Variants in SYT2 observed in about 807,000 individuals in gnomAD.
SYT2 encodes synaptotagmin-2.
A neutral mutation model predicts 39.9 loss-of-function variants in SYT2; 15 were observed. That is an observed-to-expected ratio of 0.38 (90% CI 0.25 to 0.58). SYT2 has a LOEUF of 0.58. SYT2 is among the 20% of genes least tolerant of loss of function. The pLI is 0.70. For synonymous variants in SYT2, 181 were observed against 204.5 expected, an observed-to-expected ratio of 0.89 and a Z score of 0.98; for missense variants, 389 against 530.3, an observed-to-expected ratio of 0.73 and a Z score of 2.62.
Position 202,601,891 on chromosome 1 carries a change from T to A in SYT2, c.800A>T (p.Glu267Val). ...WRDLQGGEKE[E>V]PEKLGDICTS... is the part of the protein sequence containing the mutation. ...ACCTGGCCTCATCTCTGCTCTTACC[T>A]CCTCCTTTTCCCCGCCTTGCAGGTC... The change falls in exon 6 of 9, where the codon GAG becomes GTG. Residue 267 changes from glutamate to valine, a missense_variant and splice_region_variant. Around this residue, in one of 4 missense-constraint regions of SYT2, gnomAD observed 280 missense variants for 335.6 expected, o/e 0.83. Transcript: ENST00000367268. This position sits in a 1 kb window ranked among gnomAD's most constrained non-coding sequence, Gnocchi z 4.0. 1.2e-6 allele frequency: 2 copies of A among 1,613,618 alleles called. No individual in the cohort carries two copies. The highest frequency in any genetic ancestry group is 1.1e-5 in the South Asian group (1 of 91,040).
intron 1 of SYT2, among the ~76,000 whole-genome samples, chr1:202,640,788 GAGAGACAGAC>G (rs1558443988): frequency 5.8e-4 from 72 of 124,860 alleles, no homozygotes; most frequent in Middle Eastern, 4.1e-3. Flanking sequence ...GAGAGAGAGA[GAGAGACAGAC>G]AGACAGAGAG....
intron 1 of SYT2, among the ~76,000 whole-genome samples, chr1:202,704,381 CT>C (rs1283264606): frequency 1.3e-5 from 2 of 152,128 alleles, no homozygotes; most frequent in Non-Finnish European, 2.9e-5. Flanking sequence ...TCCCAGGTGC[CT>C]TTTACAGAGT....
intron 1 of SYT2, among the ~76,000 whole-genome samples, chr1:202,686,968 G>T (rs1288589724): frequency 6.6e-6 from 1 of 152,006 alleles, no homozygotes; most frequent in African/African-American, 2.4e-5. Context: ...TCCCTTGGGC[G>T]GACCTGACAG....
rs548461942 is a variant in SYT2 at position 202,611,766 on chromosome 1, A to G, written c.-17-5977T>C. 1.7e-4 allele frequency among the ~76,000 whole-genome samples: 26 copies of G among 152,320 alleles called. No individual in the cohort carries two copies. The South Asian group carries it at 5.2e-3, about 30-fold the overall frequency. On this transcript the variant is annotated intron_variant, in intron 1 of 8. Transcript: ENST00000367268. ...ATATTTTTGGTGCTATATCCAAGAAACCATCACTAAACCTAAGGGCACTAA... is the reference window on the plus strand; with the variant it reads ...ATATTTTTGGTGCTATATCCAAGAAGCCATCACTAAACCTAAGGGCACTAA...
intron 1 of SYT2, among the ~76,000 whole-genome samples, chr1:202,685,021 T>C (rs1453577853): frequency 6.6e-6 from 1 of 151,976 alleles, no homozygotes; most frequent in Non-Finnish European, 1.5e-5. Flanking sequence ...ACAAGGGCAG[T>C]GGCATGCAGA....
chr1:202,604,718 A>T lies in SYT2; in HGVS notation c.179-97T>A, dbSNP rs957726417. 5.8e-6 allele frequency: 7 copies of T among 1,208,172 alleles called. No individual in the cohort carries two copies. The South Asian group carries it at 1.0e-4, about 18-fold the overall frequency. The allele number at this position is 1,208,172 out of a possible 1,614,324, so 74.8% of individuals were successfully genotyped here. Reference sequence around the variant, plus strand: ...AAAATGGGTGAGGAATATGACTGCCATCCCACAATGCCCACACCCCACATT... The same window carrying T: ...AAAATGGGTGAGGAATATGACTGCCTTCCCACAATGCCCACACCCCACATT... On this transcript the variant is annotated intron_variant, in intron 2 of 8. Transcript: ENST00000367268.
At chr1:202,651,971 T>C (rs1469348663) in intron 1 of SYT2, among the ~76,000 whole-genome samples, 1 of 152,186 alleles carries the variant, frequency 6.6e-6, no homozygotes, top group Non-Finnish European at 1.5e-5. Flanking sequence ...GGCAGGAGAA[T>C]CGCTTGAACC....
intron 1 of SYT2, among the ~76,000 whole-genome samples, chr1:202,633,586 C>G (rs1322482405): frequency 6.6e-6 from 1 of 152,138 alleles, no homozygotes; most frequent in Non-Finnish European, 1.5e-5. Context: ...GGGCACCCAT[C>G]CCAGCTTAGC....
chr1:202,671,424 T>TCC (rs946932269), intron 1 of SYT2, among the ~76,000 whole-genome samples: 9 of 152,074 alleles, frequency 5.9e-5, no homozygotes, highest in African/African-American at 2.2e-4. Context: ...AGATCGACCC[T>TCC]CCCACTGAGG....
chr1:202,604,720 C>A, intron 2 of SYT2, 99 bp from the exon 3 acceptor site: 1 of 1,105,122 alleles, frequency 9.0e-7, no homozygotes. Flanking sequence ...TGACTGCCAT[C>A]CCACAATGCC....
intron 1 of SYT2, among the ~76,000 whole-genome samples, chr1:202,688,345 C>A (rs1265861916): frequency 6.6e-6 from 1 of 152,196 alleles, no homozygotes; most frequent in African/African-American, 2.4e-5. Context: ...GCAGTGATGG[C>A]CCTGTCGTTA....
intron 1 of SYT2, among the ~76,000 whole-genome samples, chr1:202,678,126 T>C (rs1653426025): frequency 6.6e-6 from 1 of 151,852 alleles, no homozygotes; most frequent in Non-Finnish European, 1.5e-5. Flanking sequence ...ATACAATAAT[T>C]AGCCAGGCGT....
At chr1:202,691,101 C>T (rs1274286076) in intron 1 of SYT2, among the ~76,000 whole-genome samples, 1 of 152,194 alleles carries the variant, frequency 6.6e-6, no homozygotes, top group African/African-American at 2.4e-5. Context: ...CTTGGCATCT[C>T]TGAAGGGAGC....
At chr1:202,640,813 AGAGACAGT>A (rs1275025045) in intron 1 of SYT2, among the ~76,000 whole-genome samples, 4 of 151,456 alleles carry the variant, frequency 2.6e-5, no homozygotes, top group South Asian at 2.1e-4. Flanking sequence ...AGAGAGACAG[AGAGACAGT>A]GAGACAGAGC....
intron 1 of SYT2, among the ~76,000 whole-genome samples, chr1:202,625,122 GTGTC>G: frequency 1.2e-3 from 1 of 828 alleles, no homozygotes; most frequent in African/African-American, 2.5e-3. Context: ...TGTGGTATGT[GTGTC>G]GTGTGTGTGG....
chr1:202,692,838 T>C (rs1653871330), intron 1 of SYT2, among the ~76,000 whole-genome samples: 1 of 152,158 alleles, frequency 6.6e-6, no homozygotes, highest in African/African-American at 2.4e-5. Flanking sequence ...GGTGGGAAGA[T>C]GGCTTGAGCC....
chr1:202,656,381 A>AGTG (rs1449647482), intron 1 of SYT2, among the ~76,000 whole-genome samples: 1 of 152,142 alleles, frequency 6.6e-6, no homozygotes, highest in East Asian at 1.9e-4. Context: ...TCAGAGCAGG[A>AGTG]GTGGTGCAAG....
In SYT2 at chr1:202,698,353, G is replaced by A. The variant is rs533202054; in HGVS notation, c.-18+11905C>T. On this transcript the variant is annotated intron_variant, in intron 1 of 8. Coordinates refer to ENST00000367268, the MANE Select transcript of SYT2 (RefSeq NM_177402.5). The stretch of plus-strand genomic sequence containing the variant: ...TGTGCCCGCTGAAGAGCAGAGAGAC[G>A]TGTGCTCCCCATTATGCCAGGTATG... Among the ~76,000 whole-genome samples the A allele has an allele frequency of 5.1e-4, 78 of 152,272 alleles. No individual in the cohort carries two copies. The Middle Eastern group carries it at 0.014, about 27-fold the overall frequency.
chr1:202,651,263 G>A (rs1263858119), intron 1 of SYT2, among the ~76,000 whole-genome samples: 2 of 152,080 alleles, frequency 1.3e-5, no homozygotes, highest in African/African-American at 4.8e-5. Context: ...TGGGGGTCGG[G>A]GTGAGGAAAA....
Sources: allele counts gnomAD v4.1 joint callset (sites outside exome capture counted in the v4.1 genomes callset), GRCh38; gene constraint gnomAD v4.1.1; regional missense constraint gnomAD v4.1.1; non-coding constraint Gnocchi (gnomAD v3.1); transcripts MANE v1.5; gene names NCBI Gene and HGNC (gene_info 2026-07-23, HGNC 2026-07-21).